SLC25A48: variants seen among roughly 807,000 people sequenced by gnomAD.
SLC25A48 encodes the protein CTC-321K16.1.
In SLC25A48, 29 loss-of-function variants were observed where a neutral mutation model predicts 32.2. The ratio of observed to expected loss-of-function variants is 0.90; its 90% CI spans 0.67 to 1.23. The LOEUF (loss-of-function observed/expected upper bound fraction) is 1.23, where lower values mean the gene tolerates loss of function less well. SLC25A48 is among the 50% of genes most tolerant of loss of function. The pLI, the probability that SLC25A48 is intolerant of heterozygous loss-of-function variation, is 0.00. For synonymous variants in SLC25A48, 164 were observed against 172.3 expected (o/e 0.95, Z 0.38); for missense variants, 399 against 422.7 (o/e 0.94, Z 0.49).
intron 3 of SLC25A48, among the ~76,000 whole-genome samples, chr5:135,755,602 C>T (rs1375176514): frequency 2.0e-5 from 3 of 150,176 alleles, no homozygotes; most frequent in Admixed American, 6.7e-5. Flanking sequence ...CCATATGTAG[C>T]GTCAACGCAC....
At chr5:135,597,952 T>C (rs1412356137) in intron 1 of SLC25A48, among the ~76,000 whole-genome samples, 1 of 151,998 alleles carries the variant, frequency 6.6e-6, no homozygotes, top group Non-Finnish European at 1.5e-5. Context: ...TGCAGTGAGC[T>C]GAGACTGTGC....
chr5:135,810,158 C>T (rs891653982), intron 3 of SLC25A48, among the ~76,000 whole-genome samples: 1 of 152,120 alleles, frequency 6.6e-6, no homozygotes, highest in African/African-American at 2.4e-5. Context: ...CATTTTGATG[C>T]CATGTTGGGG....
chr5:135,688,056 A>G (rs1161162715), intron 3 of SLC25A48, among the ~76,000 whole-genome samples: 1 of 10,068 alleles, frequency 9.9e-5, no homozygotes, highest in Non-Finnish European at 3.2e-4. Context: ...AGCCCCAGCA[A>G]CCGCCAAGTC....
At chr5:135,785,579 C>T (rs1382241664) in intron 3 of SLC25A48, among the ~76,000 whole-genome samples, 3 of 150,758 alleles carry the variant, frequency 2.0e-5, no homozygotes, top group South Asian at 4.2e-4. Flanking sequence ...GATAATGCTC[C>T]CCATGGGGCG....
At chr5:135,639,141 G>C (rs1238665865) in intron 3 of SLC25A48, among the ~76,000 whole-genome samples, 1 of 152,188 alleles carries the variant, frequency 6.6e-6, no homozygotes, top group Admixed American at 6.6e-5. Flanking sequence ...GATATGAAAA[G>C]TGCATTCAAT....
intron 3 of SLC25A48, among the ~76,000 whole-genome samples, chr5:135,790,918 C>G: frequency 6.6e-6 from 1 of 151,108 alleles, no homozygotes; most frequent in Non-Finnish European, 1.5e-5. Context: ...AGTTGGTGTT[C>G]GGGGGATGTT....
chr5:135,738,857 G>T (rs1052059501), intron 3 of SLC25A48, among the ~76,000 whole-genome samples: 1 of 152,154 alleles, frequency 6.6e-6, no homozygotes, highest in Non-Finnish European at 1.5e-5. Context: ...CGAGGCAGGC[G>T]GATGATCTGA....
chr5:135,761,908 G>A (rs779548426), intron 3 of SLC25A48, among the ~76,000 whole-genome samples: 26 of 152,210 alleles, frequency 1.7e-4, no homozygotes, highest in Non-Finnish European at 2.2e-4. Flanking sequence ...TGCCATCGCT[G>A]CCTGGAACCT....
intron 2 of SLC25A48, among the ~76,000 whole-genome samples, chr5:135,632,867 G>A (rs1309833981): frequency 1.3e-5 from 2 of 152,132 alleles, no homozygotes; most frequent in Non-Finnish European, 2.9e-5. Flanking sequence ...GTATTGATAG[G>A]CTGTGTACCT....
intron 3 of SLC25A48, among the ~76,000 whole-genome samples, chr5:135,667,919 G>A (rs1753562488): frequency 6.6e-6 from 1 of 152,122 alleles, no homozygotes; most frequent in Non-Finnish European, 1.5e-5. Flanking sequence ...CAGGCACAAC[G>A]CCTTAGTCTC....
At chr5:135,869,858 A>G (rs1761498228) in intron 4 of SLC25A48, among the ~76,000 whole-genome samples, 1 of 152,150 alleles carries the variant, frequency 6.6e-6, no homozygotes, top group African/African-American at 2.4e-5. Context: ...AGTTGGCTCC[A>G]TCTCCTGTCC....
chr5:135,666,868 A>T (rs73791041), intron 3 of SLC25A48, among the ~76,000 whole-genome samples: 5,051 of 152,108 alleles, frequency 0.033, 105 homozygotes, highest in African/African-American at 0.059. Context: ...GCGGGAGGAG[A>T]TTCAATGGGA....
rs78393788 is a variant in SLC25A48 at position 135,845,789 on chromosome 5, C to T, written c.90+3330C>T. Among the ~76,000 whole-genome samples the T allele has an allele frequency of 5.2e-4, 79 of 152,302 alleles. 1 individual carries two copies. In the East Asian group the frequency reaches 0.014, roughly 27 times the overall value. On this transcript the variant is annotated intron_variant, in intron 2 of 7. Transcript: ENST00000681962. Reference sequence around the variant, plus strand: ...GGCAGACAGTCACTTGTCTAGGGTCCGGGGACTCACCTGTGGAAGAACCCG... The same window carrying T: ...GGCAGACAGTCACTTGTCTAGGGTCTGGGGACTCACCTGTGGAAGAACCCG...
chr5:135,584,846 C>A (rs1165767529), intron 1 of SLC25A48, among the ~76,000 whole-genome samples: 2 of 152,224 alleles, frequency 1.3e-5, no homozygotes, highest in Admixed American at 6.5e-5. Context: ...AAAACAGTAA[C>A]CTCTGTACAA....
intron 3 of SLC25A48, among the ~76,000 whole-genome samples, chr5:135,729,460 AT>A (rs557913830): frequency 1.9e-4 from 29 of 152,248 alleles, no homozygotes; most frequent in African/African-American, 6.5e-4. Context: ...AGAATCCTCC[AT>A]GATTGATTGC....
At chr5:135,803,743 A>G (rs1361777043) in intron 3 of SLC25A48, among the ~76,000 whole-genome samples, 1 of 151,534 alleles carries the variant, frequency 6.6e-6, no homozygotes, top group Non-Finnish European at 1.5e-5. Flanking sequence ...AGGCACTGTA[A>G]TAGGATATCG....
chr5:135,668,665 C>T (rs1753579341), intron 3 of SLC25A48, among the ~76,000 whole-genome samples: 1 of 152,174 alleles, frequency 6.6e-6, no homozygotes, highest in Non-Finnish European at 1.5e-5. Flanking sequence ...TAACCCAGAA[C>T]ATCAATCACA....
intron 3 of SLC25A48, among the ~76,000 whole-genome samples, chr5:135,706,304 G>C (rs571854273): frequency 1.3e-5 from 2 of 152,188 alleles, no homozygotes; most frequent in Non-Finnish European, 2.9e-5. Context: ...CTTGAGTTGG[G>C]TGTAGGAGGT....
chr5:135,607,098 C>T (rs1429606416), intron 1 of SLC25A48, among the ~76,000 whole-genome samples: 1 of 152,216 alleles, frequency 6.6e-6, no homozygotes, highest in Non-Finnish European at 1.5e-5. Flanking sequence ...CCTCCTCCTT[C>T]TCATGCCCCA....
Sources: gnomAD v4.1 joint callset for allele counts (sites outside exome capture counted in the v4.1 genomes callset) on GRCh38, gnomAD v4.1.1 for gene constraint, MANE v1.5 for transcripts, NCBI Gene and HGNC (gene_info 2026-07-23, HGNC 2026-07-21) for gene names.